PRICKLE1: variants seen among roughly 807,000 people sequenced by gnomAD.
PRICKLE1 encodes the protein prickle planar cell polarity protein 1, also known as prickle-like protein 1.
In PRICKLE1, 14 loss-of-function variants were observed where a neutral mutation model predicts 70.2. The ratio of observed to expected loss-of-function variants is 0.20; its 90% CI spans 0.13 to 0.31. The LOEUF is 0.31. Ranked by LOEUF, PRICKLE1 falls within the 10% of genes least tolerant of loss-of-function variation. PRICKLE1 has a pLI of 1.00. For missense variants in PRICKLE1, 821 were observed against 1,026.2 expected (o/e 0.80, Z 2.73); for synonymous variants, 357 against 379.9 (o/e 0.94, Z 0.70).
chr12:42,530,780 G>A (rs533778875), intron 1 of PRICKLE1, among the ~76,000 whole-genome samples: 5 of 134,264 alleles, frequency 3.7e-5, no homozygotes, highest in Non-Finnish European at 7.7e-5. Context: ...TCTGCCTCCC[G>A]GGTTCCAGCA....
intron 1 of PRICKLE1, among the ~76,000 whole-genome samples, chr12:42,551,994 G>A (rs1418483187): frequency 6.6e-6 from 1 of 151,366 alleles, no homozygotes; most frequent in Non-Finnish European, 1.5e-5. Context: ...ATTTTGTCAA[G>A]TATGACAAAT....
At chr12:42,492,947 T>C (rs1939130914) in intron 1 of PRICKLE1, among the ~76,000 whole-genome samples, 1 of 152,218 alleles carries the variant, frequency 6.6e-6, no homozygotes, top group Admixed American at 6.5e-5. Context: ...TATGGAGTGG[T>C]GAATGACTAA....
At chr12:42,529,519 G>A (rs914898195) in intron 1 of PRICKLE1, among the ~76,000 whole-genome samples, 5 of 152,176 alleles carry the variant, frequency 3.3e-5, no homozygotes, top group East Asian at 1.9e-4. Flanking sequence ...AATGCCAAAG[G>A]ATAGAAATGT....
chr12:42,521,630 G>A (rs1262540637), intron 1 of PRICKLE1, among the ~76,000 whole-genome samples: 1 of 152,060 alleles, frequency 6.6e-6, no homozygotes, highest in African/African-American at 2.4e-5. Flanking sequence ...AAGCCTGCTA[G>A]GTGGAGGTGG....
chr12:42,562,364 T>G lies in PRICKLE1; in HGVS notation c.-49+27101A>C, dbSNP rs1940531330. Among the ~76,000 whole-genome samples, 5 of 152,106 alleles carry G rather than the reference T, an allele frequency of 3.3e-5. No homozygotes were observed. In the South Asian group the frequency reaches 1.0e-3, roughly 32 times the overall value. ...GAGATTGTGAAAAAGATAATGAAAC[T>G]CAATTCGAGGATGTAAAAATATTAA... On this transcript the variant is annotated intron_variant, in intron 1 of 7. Coordinates refer to ENST00000345127, the MANE Select transcript of PRICKLE1 (RefSeq NM_153026.3).
chr12:42,527,967 ATATATC>A (rs1263801735), intron 1 of PRICKLE1, among the ~76,000 whole-genome samples: 521 of 8,662 alleles, frequency 0.06, 37 homozygotes, highest in African/African-American at 0.1. Context: ...ATATATATAT[ATATATC>A]TCCAAAGTTT....
Position 42,581,054 on chromosome 12 carries a change from T to A in PRICKLE1, c.-49+8411A>T, listed in dbSNP as rs190722974. Among the ~76,000 whole-genome samples the A allele has an allele frequency of 4.6e-3, 696 of 152,238 alleles. 2 individuals carry two copies. The highest frequency in any genetic ancestry group is 0.016 in the African/African-American group (673 of 41,530). Reference sequence around the variant, plus strand: ...TGGAATGAGAAGGACACCTTAGACATCACCTAATTTAATGGCTCAGCAGCA... The same window carrying A: ...TGGAATGAGAAGGACACCTTAGACAACACCTAATTTAATGGCTCAGCAGCA... On this transcript the variant is annotated intron_variant, in intron 1 of 7. Transcript: ENST00000345127.
intron 1 of PRICKLE1, among the ~76,000 whole-genome samples, chr12:42,509,124 G>A (rs546477405): frequency 1.3e-5 from 2 of 152,314 alleles, no homozygotes; most frequent in African/African-American, 4.8e-5. Context: ...GACCACAGCC[G>A]GTGATGGGCC....
In PRICKLE1 at chr12:42,457,540, G is replaced by A. The variant is rs1318163453; in HGVS notation, c.*2269C>T. 1 of 152,118 alleles carries A rather than the reference G, an allele frequency of 6.6e-6. No homozygotes were observed. Among genetic ancestry groups the A allele is most frequent in the East Asian group, 1.9e-4 (1 of 5,156 alleles). 9.4% of individuals were successfully genotyped at this position (152,118 alleles called of 1,614,324 possible). ...ATGTAAATCAGGAGAATTTCTTTTG[G>A]AGGAAAATTGGCAATATCCATCAGT... On this transcript the variant is annotated 3_prime_UTR_variant, in exon 8 of 8. Transcript: ENST00000345127.
intron 1 of PRICKLE1, among the ~76,000 whole-genome samples, chr12:42,557,340 AAAG>A (rs1218722766): frequency 3.3e-5 from 5 of 152,216 alleles, no homozygotes; most frequent in African/African-American, 1.2e-4. Context: ...TAAATAGATG[AAAG>A]AAGGGCCAAA....
intron 1 of PRICKLE1, among the ~76,000 whole-genome samples, chr12:42,570,135 C>T (rs906281594): frequency 6.6e-6 from 1 of 152,220 alleles, no homozygotes; most frequent in African/African-American, 2.4e-5. Context: ...CTGAATTACC[C>T]TAGATGTTTC....
chr12:42,548,809 T>C (rs2120639410), intron 1 of PRICKLE1, among the ~76,000 whole-genome samples: 1 of 152,190 alleles, frequency 6.6e-6, no homozygotes, highest in East Asian at 1.9e-4. Flanking sequence ...TCTCAGAAGA[T>C]TCCATCACTT....
At chr12:42,529,952 C>CATT (rs1939880007) in intron 1 of PRICKLE1, among the ~76,000 whole-genome samples, 1 of 44,964 alleles carries the variant, frequency 2.2e-5, no homozygotes, top group African/African-American at 4.7e-5. Context: ...TTCCTTCCTT[C>CATT]CTTTTTTTTT....
intron 1 of PRICKLE1, among the ~76,000 whole-genome samples, chr12:42,536,352 C>A (rs1940016867): frequency 6.6e-6 from 1 of 152,168 alleles, no homozygotes; most frequent in Non-Finnish European, 1.5e-5. Flanking sequence ...CTTGGTGATG[C>A]AAACTAATGT....
intron 1 of PRICKLE1, among the ~76,000 whole-genome samples, chr12:42,528,258 GA>G (rs1939850184): frequency 6.6e-6 from 1 of 151,922 alleles, no homozygotes; most frequent in Non-Finnish European, 1.5e-5. Context: ...CTGTTTTGTA[GA>G]CATGAGGTTT....
At chr12:42,557,029 G>T (rs2120682410) in intron 1 of PRICKLE1, among the ~76,000 whole-genome samples, 1 of 150,208 alleles carries the variant, frequency 6.7e-6, no homozygotes, top group South Asian at 2.1e-4. Context: ...TTACCATCTT[G>T]CCCTGGTCTA....
chr12:42,469,955 A>C (rs1406419031), intron 3 of PRICKLE1: 2 of 494,694 alleles, frequency 4.0e-6, no homozygotes, highest in Non-Finnish European at 7.3e-6. Flanking sequence ...ACCATAAAGC[A>C]TTCACTCTGG....
At chr12:42,574,503 T>C (rs921949799) in intron 1 of PRICKLE1, among the ~76,000 whole-genome samples, 1 of 152,270 alleles carries the variant, frequency 6.6e-6, no homozygotes, top group African/African-American at 2.4e-5. Context: ...GAAATTGGCA[T>C]GTTCAGCCAC....
At chr12:42,531,743 T>C (rs1279962759) in intron 1 of PRICKLE1, among the ~76,000 whole-genome samples, 1 of 152,222 alleles carries the variant, frequency 6.6e-6, no homozygotes, top group African/African-American at 2.4e-5. Context: ...TGATTCACTG[T>C]AAAATGAACA....
Sources: gnomAD v4.1 joint callset for allele counts (sites outside exome capture counted in the v4.1 genomes callset) on GRCh38, gnomAD v4.1.1 for gene constraint, MANE v1.5 for transcripts, NCBI Gene and HGNC (gene_info 2026-07-23, HGNC 2026-07-21) for gene names.